Variants in TRIOBP observed in about 807,000 individuals in gnomAD.
The protein encoded by TRIOBP is TRIO and F-actin-binding protein.
In TRIOBP, 169 loss-of-function variants were observed where a neutral mutation model predicts 238.8. The ratio of observed to expected loss-of-function variants is 0.71; its 90% confidence interval spans 0.62 to 0.80. TRIOBP has a LOEUF of 0.80. Among genes scored for constraint, TRIOBP ranks in the 30% least tolerant of loss-of-function variants. The probability of loss-of-function intolerance (pLI) is 0.00; values close to 1 mark genes in which losing one functional copy is unlikely to be tolerated. For synonymous variants in TRIOBP, 1,150 were observed against 1,274.4 expected, an observed-to-expected ratio of 0.90 and a Z score of 2.08; for missense variants, 2,838 against 3,122.6, an observed-to-expected ratio of 0.91 and a Z score of 2.17.
intron 11 of TRIOBP, among the ~76,000 whole-genome samples, chr22:37,743,838 T>TGTGCTGGGTGTGTGTGA (rs1390921282): frequency 8.3e-6 from 1 of 120,310 alleles, no homozygotes; most frequent in Non-Finnish European, 1.6e-5. Context: ...TGTGTGTGTG[T>TGTGCTGGGTGTGTGTGA]GTGTGTGCTG....
chr22:37,724,862 G>A lies in TRIOBP; in HGVS notation c.2306G>A (p.Arg769Lys), dbSNP rs754451629. ...PNRTIQQENL[R>K]TSCTRQDNPR... is the part of the protein sequence containing the mutation. ...AGAACCATCCAACAAGAGAACCTCAGAACATCCTGTACCCGACAGGACAAT... is the reference window on the plus strand; with the variant it reads ...AGAACCATCCAACAAGAGAACCTCAAAACATCCTGTACCCGACAGGACAAT... The change falls in exon 7 of 24, where the codon AGA becomes AAA. Residue 769 changes from arginine (R) to lysine (K), a missense_variant. Around this residue, in one of 5 missense-constraint regions of TRIOBP, gnomAD observed 2,096 missense variants for 2,137.4 expected, o/e 0.98. Transcript: ENST00000644935. 21 of 1,610,662 alleles carry A rather than the reference G, an allele frequency of 1.3e-5. No individual in the cohort carries two copies. The highest frequency in any genetic ancestry group is 3.4e-6 in the Non-Finnish European group (4 of 1,179,608).
intron 6 of TRIOBP, among the ~76,000 whole-genome samples, chr22:37,716,602 G>T (rs1236972838): frequency 6.6e-6 from 1 of 152,188 alleles, no homozygotes; most frequent in African/African-American, 2.4e-5. Flanking sequence ...GCTAATTTGT[G>T]TATTTTTAGT....
At chr22:37,747,470 G>A (rs753365315) in intron 11 of TRIOBP, among the ~76,000 whole-genome samples, 3 of 152,074 alleles carry the variant, frequency 2.0e-5, no homozygotes, top group Non-Finnish European at 4.4e-5. Flanking sequence ...TGCTGGGGGC[G>A]GGCTGGGCTG....
chr22:37,708,247 CAAA>C (rs34560689), intron 3 of TRIOBP, among the ~76,000 whole-genome samples: 469 of 85,238 alleles, frequency 5.5e-3, no homozygotes, highest in African/African-American at 0.019. Context: ...CTCCGTCTCA[CAAA>C]AAAAAAAAAA....
intron 15 of TRIOBP, among the ~76,000 whole-genome samples, chr22:37,756,059 G>A (rs1284558430): frequency 6.6e-6 from 1 of 152,246 alleles, no homozygotes; most frequent in Non-Finnish European, 1.5e-5. Context: ...GGGCACTGGG[G>A]CAGGAGGGCT....
At chr22:37,700,751 G>T (rs950689421) in intron 2 of TRIOBP, among the ~76,000 whole-genome samples, 1 of 152,118 alleles carries the variant, frequency 6.6e-6, no homozygotes, top group Non-Finnish European at 1.5e-5. Flanking sequence ...GAGTGCAATG[G>T]CGCAATCTTG....
intron 3 of TRIOBP, among the ~76,000 whole-genome samples, chr22:37,702,124 A>G: frequency 6.6e-6 from 1 of 152,104 alleles, no homozygotes. Flanking sequence ...AAACAAAACA[A>G]AAAAGAGAAG....
rs149496377 is a variant in TRIOBP, at chr22:37,772,681, C to T, written c.7017C>T (p.Ile2339=). Residue 2339 remains isoleucine (I), a synonymous_variant, in exon 23 of 24, where the codon ATC becomes ATT. Coordinates refer to ENST00000644935, the MANE Select transcript of TRIOBP (RefSeq NM_001039141.3). ...SHIKTRSERE[I]EQLKEHLRLA... ...TCAAGACACGGTCTGAGCGGGAGATCGAGCAGCTGAAGGAGCACCTGCGTC... is the reference window on the plus strand; with the variant it reads ...TCAAGACACGGTCTGAGCGGGAGATTGAGCAGCTGAAGGAGCACCTGCGTC... 6.8e-6 allele frequency: 11 copies of T among 1,614,088 alleles called. No individual in the cohort carries two copies. In the East Asian group the frequency reaches 1.1e-4, roughly 16 times the overall value.
chr22:37,760,761 G>A (rs1211396702), intron 17 of TRIOBP, among the ~76,000 whole-genome samples: 3 of 152,054 alleles, frequency 2.0e-5, no homozygotes, highest in Non-Finnish European at 4.4e-5. Flanking sequence ...AGATCACGAG[G>A]TCAGGAGAAC....
Position 37,697,107 on chromosome 22 carries a change from GA to G in TRIOBP, c.-170+22del, listed in dbSNP as rs1922388691. 1 of 152,272 alleles carries G rather than the reference GA, an allele frequency of 6.6e-6. No individual in the cohort carries two copies. The highest frequency in any genetic ancestry group is 2.4e-5 in the African/African-American group (1 of 41,462). The allele number at this position is 152,272 out of a possible 1,614,324, so 9.4% of individuals were successfully genotyped here. A position where few individuals can be genotyped will look rare whatever the true frequency, so the allele number is the denominator to read the frequency against. On this transcript the variant is annotated intron_variant, in intron 1 of 23. Transcript: ENST00000644935. ...CAGCCAAGGTTAGCACTGGGCCTCA[GA>G]AAAGAGGAGCTGGTAGGGGGAGGCC...
At position 37,755,575 on chromosome 22, in the gene TRIOBP, C is replaced by A; in HGVS notation, c.5603C>A (p.Ser1868Ter). 1 of 1,614,014 alleles carries A rather than the reference C, an allele frequency of 6.2e-7. No individual in the cohort carries two copies. The highest frequency in any genetic ancestry group is 1.1e-5 in the South Asian group (1 of 91,084). The change falls in exon 15 of 24, where the codon TCG (serine) becomes TAG (stop). Residue 1868 changes from serine (S) to a stop codon, truncating the protein, a stop_gained. Transcript: ENST00000644935. LOFTEE classifies it high-confidence loss of function. ...ACCAAGGATGCTGTCTATACCTTGT[C>A]GGCCATGACCTCAGGCATCCGGCGG... is the stretch of plus-strand genomic sequence containing the variant. ...IHTKDAVYTL[S>*]AMTSGIRRNW...
In TRIOBP at chr22:37,769,120, C is replaced by G. The variant is rs756195025; in HGVS notation, c.6668C>G (p.Ala2223Gly). 1 of 1,613,158 alleles carries G rather than the reference C, an allele frequency of 6.2e-7. No homozygotes were observed. The highest frequency in any genetic ancestry group is 1.3e-5 in the African/African-American group (1 of 74,944). The change falls in exon 20 of 24, where the codon GCT (alanine) becomes GGT (glycine). Residue 2223 changes from alanine to glycine, a missense_variant. This residue lies in a region of TRIOBP where 2,096 missense variants were observed against 2,137.4 expected (regional missense o/e 0.98). Coordinates refer to ENST00000644935, the MANE Select transcript of TRIOBP (RefSeq NM_001039141.3). Reference protein sequence around the residue: ...CLEIGALMRQAEEREHTLRRC... With the variant: ...CLEIGALMRQGEEREHTLRRC... ...GAGATTGGGGCACTCATGCGGCAGG[C>G]TGAGGAGCGCGAGCACACGCTGCGC...
At chr22:37,700,810 G>A (rs1170285900) in intron 2 of TRIOBP, among the ~76,000 whole-genome samples, 1 of 152,192 alleles carries the variant, frequency 6.6e-6, no homozygotes, top group Non-Finnish European at 1.5e-5. Flanking sequence ...TCCTGCCTCA[G>A]GCTCCCAAGT....
chr22:37,699,059 T>C (rs1922505990), intron 2 of TRIOBP, among the ~76,000 whole-genome samples: 1 of 151,898 alleles, frequency 6.6e-6, no homozygotes, highest in South Asian at 2.1e-4. Context: ...TAGAATTGCT[T>C]GAACCCAGGA....
Position 37,723,200 on chromosome 22 carries a change from G to C in TRIOBP, c.644G>C (p.Gly215Ala), listed in dbSNP as rs372704577. The change falls in exon 7 of 24, where the codon GGC (glycine) becomes GCC (alanine). Residue 215 changes from glycine to alanine, a missense_variant. Transcript: ENST00000644935. The part of the protein sequence containing the change: ...GQKKEDTGGG[G>A]RSAGQHWARL... ...CTCTCTCCAGACACCGGCGGTGGGGGCCGGAGCGCAGGACAGCACTGGGCA... is the reference window on the plus strand; with the variant it reads ...CTCTCTCCAGACACCGGCGGTGGGGCCCGGAGCGCAGGACAGCACTGGGCA... The C allele has an allele frequency of 6.8e-6, 11 of 1,613,816 alleles. No individual in the cohort carries two copies. In the African/African-American group the frequency reaches 1.2e-4, roughly 18 times the overall value.
rs573682755 is a variant in TRIOBP, at chr22:37,724,884, C to T, written c.2328C>T (p.Asp776=). 2.5e-6 allele frequency: 4 copies of T among 1,610,128 alleles called. No homozygotes were observed. The highest frequency in any genetic ancestry group is 2.5e-6 in the Non-Finnish European group (3 of 1,178,590). Residue 776 remains aspartate (D), a synonymous_variant, in exon 7 of 24, where the codon GAC becomes GAT. Transcript: ENST00000644935. ...ENLRTSCTRQ[D]NPRTSSPNRA... ...TCAGAACATCCTGTACCCGACAGGA[C>T]AATCCCAGGACCTCCTCTCCCAATA...
At chr22:37,719,612 A>C (rs1923716202) in intron 6 of TRIOBP, among the ~76,000 whole-genome samples, 1 of 152,064 alleles carries the variant, frequency 6.6e-6, no homozygotes, top group Non-Finnish European at 1.5e-5. Flanking sequence ...GCATTACAGC[A>C]GTGACCTGTT....
At position 37,773,082 on chromosome 22, in the gene TRIOBP, T is replaced by C. The variant is rs538003991; in HGVS notation, c.*2+318T>C. On this transcript the variant is annotated intron_variant, in intron 23 of 23. Coordinates refer to ENST00000644935, the MANE Select transcript of TRIOBP (RefSeq NM_001039141.3). ...GCACATCCCTGACCCCCACAGTGAATCTCCACTGAGCTTCACACACACACA... is the reference window on the plus strand; with the variant it reads ...GCACATCCCTGACCCCCACAGTGAACCTCCACTGAGCTTCACACACACACA... Among the ~76,000 whole-genome samples, 6 of 152,128 alleles carry C rather than the reference T, an allele frequency of 3.9e-5. No individual in the cohort carries two copies. The South Asian group carries it at 1.0e-3, about 26-fold the overall frequency.
chr22:37,717,514 G>A (rs1320448861), intron 6 of TRIOBP, among the ~76,000 whole-genome samples: 1 of 152,158 alleles, frequency 6.6e-6, no homozygotes, highest in Admixed American at 6.6e-5. Flanking sequence ...CAATCCCTGA[G>A]CTTGACACAA....
Sources: gnomAD v4.1 joint callset for allele counts (sites outside exome capture counted in the v4.1 genomes callset) on GRCh38, gnomAD v4.1.1 for gene constraint, gnomAD v4.1.1 regional missense constraint, MANE v1.5 for transcripts, NCBI Gene and HGNC (gene_info 2026-07-23, HGNC 2026-07-21) for gene names.